The following DLC1 variants were observed in gnomAD, a reference collection of about 807,000 sequenced individuals.
DLC1 encodes rho GTPase-activating protein 7.
In DLC1, 54 loss-of-function variants were observed where a neutral mutation model predicts 140.3. The ratio of observed to expected loss-of-function variants is 0.38; its 90% CI spans 0.31 to 0.48. The LOEUF (loss-of-function observed/expected upper bound fraction) is 0.48. Ranked by LOEUF, DLC1 falls within the 20% of genes least tolerant of loss-of-function variation. The pLI is 0.96. For missense variants in DLC1, 2,536 were observed against 1,907.0 expected, an observed-to-expected ratio of 1.33 and a Z score of -6.14; for synonymous variants, 986 against 728.1, an observed-to-expected ratio of 1.35 and a Z score of -5.70.
intron 1 of DLC1, among the ~76,000 whole-genome samples, chr8:13,599,283 C>A (rs75006646): frequency 0.015 from 2,352 of 151,906 alleles, 70 homozygotes; most frequent in African/African-American, 0.054. Context: ...ATGCCAGCCT[C>A]ATGTCAATAA....
chr8:13,128,172 A>G (rs1331007616), intron 5 of DLC1, among the ~76,000 whole-genome samples: 2 of 152,086 alleles, frequency 1.3e-5, no homozygotes, highest in East Asian at 3.9e-4. Flanking sequence ...GGTGCTCAAA[A>G]CTTTATTTCC....
intron 3 of DLC1, among the ~76,000 whole-genome samples, chr8:13,396,215 A>G (rs1407718862): frequency 6.6e-6 from 1 of 151,258 alleles, no homozygotes; most frequent in African/African-American, 2.4e-5. Context: ...GCCCACCACC[A>G]CACCCGGCTA....
intron 5 of DLC1, among the ~76,000 whole-genome samples, chr8:13,216,074 C>A (rs1828188234): frequency 1.3e-5 from 2 of 152,220 alleles, no homozygotes; most frequent in South Asian, 4.1e-4. Flanking sequence ...TCCGAAGAGT[C>A]ACTGTCCTCT....
At chr8:13,334,866 G>T (rs574134645) in intron 4 of DLC1, among the ~76,000 whole-genome samples, 1 of 152,296 alleles carries the variant, frequency 6.6e-6, no homozygotes, top group African/African-American at 2.4e-5. Flanking sequence ...TATGTGGCAG[G>T]CGCTGCTCTA....
At chr8:13,265,429 G>A (rs983155360) in intron 5 of DLC1, among the ~76,000 whole-genome samples, 2 of 152,266 alleles carry the variant, frequency 1.3e-5, no homozygotes, top group South Asian at 2.1e-4. Context: ...GGAAGGCCGC[G>A]AAGGTTCACT....
intron 1 of DLC1, among the ~76,000 whole-genome samples, chr8:13,532,499 G>A (rs963348662): frequency 2.0e-5 from 3 of 152,224 alleles, no homozygotes; most frequent in Admixed American, 2.0e-4. Flanking sequence ...TAAAGTAACT[G>A]AGGCTGAATG....
chr8:13,165,323 G>A (rs1183405649), intron 5 of DLC1, among the ~76,000 whole-genome samples: 1 of 152,104 alleles, frequency 6.6e-6, no homozygotes, highest in East Asian at 1.9e-4. Context: ...AAAGGTAAGT[G>A]GCCTACTTCA....
intron 2 of DLC1, among the ~76,000 whole-genome samples, chr8:13,469,522 G>T (rs532764345): frequency 2.3e-4 from 35 of 152,226 alleles, no homozygotes; most frequent in African/African-American, 8.4e-4. Flanking sequence ...AAGCAAAACT[G>T]TTCATAAAGA....
intron 5 of DLC1, among the ~76,000 whole-genome samples, chr8:13,297,384 G>T (rs906125095): frequency 1.3e-5 from 2 of 149,326 alleles, no homozygotes; most frequent in African/African-American, 2.5e-5. Context: ...TGGAATGTTG[G>T]TCAAGGCCCA....
chr8:13,384,447 A>T (rs569659974), intron 4 of DLC1, among the ~76,000 whole-genome samples: 1 of 152,370 alleles, frequency 6.6e-6, no homozygotes, highest in African/African-American at 2.4e-5. Flanking sequence ...ATGATCTCAC[A>T]ACTTTGATAT....
intron 4 of DLC1, among the ~76,000 whole-genome samples, chr8:13,347,278 T>C (rs1834387003): frequency 6.6e-6 from 1 of 152,218 alleles, no homozygotes; most frequent in African/African-American, 2.4e-5. Context: ...CATATCTCTA[T>C]CTTGCTTTTT....
At chr8:13,525,658 T>C (rs887333573) in intron 1 of DLC1, among the ~76,000 whole-genome samples, 3 of 152,218 alleles carry the variant, frequency 2.0e-5, no homozygotes, top group African/African-American at 7.2e-5. Flanking sequence ...ATGTGTTTTG[T>C]CCATTTTCCA....
intron 5 of DLC1, among the ~76,000 whole-genome samples, chr8:13,131,653 T>C (rs773260438): frequency 3.4e-4 from 51 of 152,182 alleles, no homozygotes; most frequent in Admixed American, 9.8e-4. Flanking sequence ...TGGGTATTTA[T>C]TGAACATCGG....
rs188922739 is a variant in DLC1, at chr8:13,256,237, C to G, written c.1348+49032G>C. On this transcript the variant is annotated intron_variant, in intron 5 of 17. Transcript: ENST00000276297. ...ATGTACAGTAGTTGTTACTACGTAACTCAAGCTTTCAAACTTTCTAGGAAC... is the reference window on the plus strand; with the variant it reads ...ATGTACAGTAGTTGTTACTACGTAAGTCAAGCTTTCAAACTTTCTAGGAAC... Among the ~76,000 whole-genome samples, 5 of 152,300 alleles carry G rather than the reference C, an allele frequency of 3.3e-5. No individual in the cohort carries two copies. In the East Asian group the frequency reaches 9.7e-4, roughly 29 times the overall value.
chr8:13,239,097 A>G (rs987055991), intron 5 of DLC1, among the ~76,000 whole-genome samples: 1 of 152,170 alleles, frequency 6.6e-6, no homozygotes, highest in Non-Finnish European at 1.5e-5. Context: ...TTGGGTAAGA[A>G]CAGTTTGAGT....
intron 7 of DLC1, among the ~76,000 whole-genome samples, chr8:13,103,976 T>C (rs956749667): frequency 3.9e-5 from 6 of 151,902 alleles, no homozygotes; most frequent in African/African-American, 7.3e-5. Context: ...GTATTTGAAA[T>C]CAAAACTCAA....
chr8:13,285,528 A>G (rs1831508943), intron 5 of DLC1, among the ~76,000 whole-genome samples: 1 of 152,168 alleles, frequency 6.6e-6, no homozygotes, highest in African/African-American at 2.4e-5. Context: ...TCACAAAAGA[A>G]GATATATGAA....
intron 5 of DLC1, among the ~76,000 whole-genome samples, chr8:13,191,556 C>T (rs768805121): frequency 6.6e-6 from 1 of 152,178 alleles, no homozygotes. Context: ...AAAGTATGTG[C>T]CTGGTGGCGT....
intron 5 of DLC1, among the ~76,000 whole-genome samples, chr8:13,271,634 C>T (rs746782310): frequency 1.3e-5 from 2 of 152,182 alleles, no homozygotes; most frequent in Non-Finnish European, 2.9e-5. Flanking sequence ...TTCTTGCCCT[C>T]TTCATAGGCA....
Sources: allele counts gnomAD v4.1 joint callset (sites outside exome capture counted in the v4.1 genomes callset), GRCh38; gene constraint gnomAD v4.1.1; transcripts MANE v1.5; gene names NCBI Gene and HGNC (gene_info 2026-07-23, HGNC 2026-07-21).